Variants in MAP3K13 observed in about 807,000 individuals in gnomAD.
MAP3K13 encodes mitogen-activated protein kinase kinase kinase 13, also known as leucine zipper-bearing kinase.
MAP3K13 carries 52 observed loss-of-function variants against 104.0 expected under a neutral mutation model. The ratio of observed to expected loss-of-function variants is 0.50; its 90% CI spans 0.40 to 0.63. The LOEUF (loss-of-function observed/expected upper bound fraction) is 0.63, where lower values mean the gene tolerates loss of function less well. Ranked by LOEUF, MAP3K13 falls within the 20% of genes least tolerant of loss-of-function variation. The pLI is 0.00. For missense variants in MAP3K13, 914 were observed against 1,218.5 expected, an observed-to-expected ratio of 0.75 and a Z score of 3.72; for synonymous variants, 394 against 442.2, an observed-to-expected ratio of 0.89 and a Z score of 1.37.
At chr3:185,455,171 G>GATATATATATATGATATATATGAGAT (rs202038007) in intron 7 of MAP3K13, among the ~76,000 whole-genome samples, 1 of 28,102 alleles carries the variant, frequency 3.6e-5, no homozygotes, top group Non-Finnish European at 7.5e-5. Flanking sequence ...ATATATATGA[G>GATATATATATATGATATATATGAGAT]ATATATATGA....
At chr3:185,284,438 G>A (rs4687195) in intron 1 of MAP3K13, among the ~76,000 whole-genome samples, 104,730 of 152,080 alleles carry the variant, frequency 0.69, 37,296 homozygotes, top group Non-Finnish European at 0.78. Context: ...GTGTGGGGCC[G>A]GGCACGGTGG....
intron 1 of MAP3K13, among the ~76,000 whole-genome samples, chr3:185,425,747 A>C (rs9811623): frequency 0.011 from 1,622 of 152,190 alleles, 39 homozygotes; most frequent in African/African-American, 0.036. Context: ...TCCCCATACT[A>C]CCTGGAATGC....
intron 1 of MAP3K13, among the ~76,000 whole-genome samples, chr3:185,422,995 G>GAGGGATCT (rs1245230814): frequency 1.3e-5 from 2 of 152,164 alleles, no homozygotes; most frequent in Non-Finnish European, 2.9e-5. Flanking sequence ...CTGTGCATGC[G>GAGGGATCT]AGGGATCTAG....
chr3:185,465,900 G>T (rs764454391), intron 9 of MAP3K13, 37 bp downstream of exon 9: 5 of 1,439,926 alleles, frequency 3.5e-6, no homozygotes, highest in Non-Finnish European at 4.9e-6. Flanking sequence ...TTACTGATTT[G>T]AGTCTGTCAA....
At chr3:185,465,949 C>A in intron 9 of MAP3K13, 86 bp downstream of exon 9, 1 of 937,728 alleles carries the variant, frequency 1.1e-6, no homozygotes, top group Non-Finnish European at 1.7e-6. Flanking sequence ...TGCTGCTACT[C>A]AGAACTGGCA....
intron 11 of MAP3K13, among the ~76,000 whole-genome samples, chr3:185,475,043 G>A (rs1473395902): frequency 1.4e-5 from 2 of 146,110 alleles, no homozygotes; most frequent in East Asian, 2.0e-4. Context: ...GCAGTGAGCC[G>A]AGATCCCGCC....
At chr3:185,409,626 C>T (rs964037446) in intron 1 of MAP3K13, among the ~76,000 whole-genome samples, 2 of 152,140 alleles carry the variant, frequency 1.3e-5, no homozygotes, top group Non-Finnish European at 2.9e-5. Context: ...AGCAACCCCA[C>T]TACTGAGTAT....
At position 185,283,984 on chromosome 3, in the gene MAP3K13, C is replaced by T. The variant is rs1720409961; in HGVS notation, c.-205+957C>T. The stretch of plus-strand genomic sequence containing the variant: ...GGCGATCTCGGCTCACTGCAACCTC[C>T]GACCCCCTGGTTCAAGTGATTCTCC... On this transcript the variant is annotated intron_variant, in intron 1 of 14. Transcript: ENST00000424227. Among the ~76,000 whole-genome samples, 5 of 146,460 alleles carry T rather than the reference C, an allele frequency of 3.4e-5. No individual in the cohort carries two copies. In the South Asian group the frequency reaches 1.1e-3, roughly 32 times the overall value.
chr3:185,480,469 G>T lies in MAP3K13; in HGVS notation c.2739G>T (p.Val913=). The stretch of plus-strand genomic sequence containing the variant: ...GGCTCTCTGACAAGGAGTGTGCCGT[G>T]CGCCGTGTGAAGACTCAGATGTCTC... ...SDGLSDKECA[V]RRVKTQMSLG... The change falls in exon 13 of 14, where the codon GTG becomes GTT. Residue 913 remains valine, a synonymous_variant. Coordinates refer to ENST00000265026, the MANE Select transcript of MAP3K13 (RefSeq NM_004721.5). The T allele has an allele frequency of 6.2e-7, 1 of 1,614,170 alleles. No individual in the cohort carries two copies. Among genetic ancestry groups the T allele is most frequent in the Non-Finnish European group, 8.5e-7 (1 of 1,180,050 alleles).
chr3:185,379,352 A>G (rs1724593786), intron 1 of MAP3K13, among the ~76,000 whole-genome samples: 1 of 152,196 alleles, frequency 6.6e-6, no homozygotes, highest in Admixed American at 6.5e-5. Context: ...AAAGGAATTG[A>G]AATTAAGAGA....
At chr3:185,405,238 T>C (rs573648454) in intron 1 of MAP3K13, among the ~76,000 whole-genome samples, 1 of 152,364 alleles carries the variant, frequency 6.6e-6, no homozygotes, top group East Asian at 1.9e-4. Flanking sequence ...TATTAAGGTA[T>C]ATATGCATTA....
chr3:185,324,667 C>T lies in MAP3K13; in HGVS notation c.-86+39024C>T, dbSNP rs146067405. ...TACTTTTCTCCTCCACTTATATCTC[C>T]TATTTTGAGACAGAGATTCATGTCA... On this transcript the variant is annotated intron_variant, in intron 2 of 14. Coordinates refer to the MAP3K13 transcript ENST00000424227. 4.5e-3 allele frequency among the ~76,000 whole-genome samples: 679 copies of T among 152,212 alleles called. 3 individuals carry two copies. The highest frequency in any genetic ancestry group is 0.015 in the African/African-American group (642 of 41,522).
chr3:185,369,586 T>G (rs1004531208), intron 1 of MAP3K13, among the ~76,000 whole-genome samples: 1 of 152,200 alleles, frequency 6.6e-6, no homozygotes, highest in Admixed American at 6.5e-5. Context: ...CCACTGAGAA[T>G]CACTGCATAG....
chr3:185,318,351 C>T (rs1721749700), intron 2 of MAP3K13, among the ~76,000 whole-genome samples: 1 of 152,224 alleles, frequency 6.6e-6, no homozygotes, highest in African/African-American at 2.4e-5. Flanking sequence ...GCCTGACAGA[C>T]AGTCATTTGA....
At chr3:185,414,223 A>AT (rs1336393168) in intron 1 of MAP3K13, among the ~76,000 whole-genome samples, 1 of 152,228 alleles carries the variant, frequency 6.6e-6, no homozygotes, top group Non-Finnish European at 1.5e-5. Flanking sequence ...AGATAAGTTA[A>AT]TATGGGAAAC....
At chr3:185,432,454 G>A (rs558372433) in intron 2 of MAP3K13, among the ~76,000 whole-genome samples, 49 of 151,924 alleles carry the variant, frequency 3.2e-4, no homozygotes, top group Non-Finnish European at 5.7e-4. Flanking sequence ...GCCTTCCAAA[G>A]TGCTGGATTA....
chr3:185,284,977 CTTACTG>C (rs1262646751), intron 1 of MAP3K13, among the ~76,000 whole-genome samples: 1 of 151,752 alleles, frequency 6.6e-6, no homozygotes, highest in African/African-American at 2.4e-5. Context: ...GTTTCAGAAT[CTTACTG>C]TTAGATGGGG....
At chr3:185,359,920 T>A (rs1173394294), upstream of MAP3K13, among the ~76,000 whole-genome samples, 1 of 151,526 alleles carries the variant, frequency 6.6e-6, no homozygotes, top group African/African-American at 2.4e-5. Context: ...TTTCCTTTTT[T>A]AAAAACACAT....
chr3:185,442,914 AC>A (rs1715404009), intron 3 of MAP3K13, among the ~76,000 whole-genome samples: 1 of 151,996 alleles, frequency 6.6e-6, no homozygotes. Flanking sequence ...ATCTCGGCTC[AC>A]TGCAACCTCC....
Sources: gnomAD v4.1 joint callset for allele counts (sites outside exome capture counted in the v4.1 genomes callset) on GRCh38, gnomAD v4.1.1 for gene constraint, MANE v1.5 for transcripts, NCBI Gene and HGNC (gene_info 2026-07-23, HGNC 2026-07-21) for gene names.